The following LYRM4 variants were observed in gnomAD, a reference collection of about 807,000 sequenced individuals.
The protein encoded by LYRM4 is LYR motif containing 4.
Under a neutral mutation model 11.7 loss-of-function variants are expected in LYRM4, and 9 were observed. The observed-to-expected ratio is 0.77, with a 90% CI of 0.46 to 1.34. The LOEUF (loss-of-function observed/expected upper bound fraction) is 1.34. LYRM4 is among the 40% of genes most tolerant of loss of function. LYRM4 has a pLI of 0.00. For missense variants in LYRM4, 133 were observed against 112.5 expected (o/e 1.18, Z -0.82); for synonymous variants, 42 against 40.4 (o/e 1.04, Z -0.15).
the LYRM4 span, among the ~76,000 whole-genome samples, chr6:5,061,999 C>A: frequency 1.3e-5 from 2 of 151,586 alleles, no homozygotes; most frequent in Non-Finnish European, 2.9e-5. Context: ...AATACTGATA[C>A]TTTGCCATTT....
chr6:5,122,794 C>A (rs1293651282), intron 2 of LYRM4, among the ~76,000 whole-genome samples: 3 of 152,228 alleles, frequency 2.0e-5, no homozygotes, highest in African/African-American at 7.2e-5. Flanking sequence ...AGGCAGACAT[C>A]CCCGTCTGCA....
At chr6:5,217,793 A>G (rs897087767) in intron 1 of LYRM4, among the ~76,000 whole-genome samples, 3 of 152,254 alleles carry the variant, frequency 2.0e-5, no homozygotes, top group Admixed American at 6.5e-5. Context: ...GTCCTTAGAC[A>G]CAGCCTCATA....
intron 2 of LYRM4, among the ~76,000 whole-genome samples, chr6:5,168,928 C>T (rs761968694): frequency 3.3e-5 from 5 of 151,836 alleles, no homozygotes; most frequent in South Asian, 2.1e-4. Flanking sequence ...AGGGCCAGGG[C>T]GTGTGTGAAT....
intron 2 of LYRM4, 32 bp from the exon 3 acceptor site, chr6:5,109,523 C>T: frequency 1.3e-6 from 2 of 1,597,978 alleles, no homozygotes. Context: ...AGGTCAGGAA[C>T]CGTGGCCCTC....
chr6:5,086,584 C>T, the LYRM4 span: 5 of 1,476,306 alleles, frequency 3.4e-6, no homozygotes, highest in South Asian at 1.3e-5. Flanking sequence ...TTCGAAGAGC[C>T]GTGGGGCGGG....
At chr6:5,046,023 G>T in the LYRM4 span, among the ~76,000 whole-genome samples, 1 of 152,226 alleles carries the variant, frequency 6.6e-6, no homozygotes, top group Non-Finnish European at 1.5e-5. Flanking sequence ...TCTGCCCAGA[G>T]CTTGGGCACA....
chr6:5,069,370 T>C, the LYRM4 span, among the ~76,000 whole-genome samples: 8 of 148,966 alleles, frequency 5.4e-5, no homozygotes, highest in East Asian at 1.6e-3. Flanking sequence ...CATGTTAACA[T>C]AAAAAAAAAA....
At chr6:5,085,729 G>A in the LYRM4 span, 1 of 1,544,382 alleles carries the variant, frequency 6.5e-7, no homozygotes, top group African/African-American at 1.4e-5. Context: ...CCGCTGCCGC[G>A]CGCGCTCCTT....
chr6:5,245,928 C>T (rs972965287), intron 1 of LYRM4, among the ~76,000 whole-genome samples: 1 of 152,158 alleles, frequency 6.6e-6, no homozygotes, highest in Non-Finnish European at 1.5e-5. Flanking sequence ...GGTGACAGGA[C>T]ATAAGGCGAG....
the LYRM4 span, among the ~76,000 whole-genome samples, chr6:5,077,137 G>A: frequency 0.68 from 103,504 of 152,086 alleles, 36,572 homozygotes; most frequent in East Asian, 0.89. Context: ...CCCTGAGCCA[G>A]GGGCTGTGTG....
the LYRM4 span, among the ~76,000 whole-genome samples, chr6:5,093,194 A>G: frequency 6.6e-6 from 1 of 152,236 alleles, no homozygotes; most frequent in Non-Finnish European, 1.5e-5. Flanking sequence ...CTGTTTACCA[A>G]AGTAATTAAA....
At chr6:5,212,070 G>C (rs1762014519) in intron 2 of LYRM4, among the ~76,000 whole-genome samples, 1 of 152,208 alleles carries the variant, frequency 6.6e-6, no homozygotes. Context: ...AAATCTCTAT[G>C]AACTACACAG....
chr6:5,100,996 C>A (rs1379516667), downstream of LYRM4, among the ~76,000 whole-genome samples: 1 of 152,214 alleles, frequency 6.6e-6, no homozygotes, highest in African/African-American at 2.4e-5. Flanking sequence ...GTCTCCGTGC[C>A]TGCCACAGGG....
chr6:5,166,341 C>T (rs1581419551), intron 2 of LYRM4, among the ~76,000 whole-genome samples: 2 of 152,346 alleles, frequency 1.3e-5, no homozygotes, highest in Non-Finnish European at 2.9e-5. Flanking sequence ...ATGACATAAA[C>T]AGCGGAGAGC....
At chr6:5,107,777 C>T (rs984490453), downstream of LYRM4, 2 of 152,036 alleles carry the variant, frequency 1.3e-5, no homozygotes, top group Admixed American at 1.3e-4. Context: ...CCTGTAATAC[C>T]AGCACTTTGG....
At chr6:5,116,972 T>C (rs1383290740) in intron 2 of LYRM4, among the ~76,000 whole-genome samples, 1 of 152,240 alleles carries the variant, frequency 6.6e-6, no homozygotes, top group Admixed American at 6.5e-5. Flanking sequence ...CTGGGCGCAG[T>C]TGCCAGGGGA....
intron 2 of LYRM4, among the ~76,000 whole-genome samples, chr6:5,122,736 C>T (rs1421073232): frequency 1.3e-5 from 2 of 152,240 alleles, no homozygotes; most frequent in East Asian, 3.8e-4. Flanking sequence ...CGTGGGCCAA[C>T]ATCTGGCTCA....
chr6:5,117,428 G>A (rs560852979), intron 2 of LYRM4, among the ~76,000 whole-genome samples: 9 of 152,148 alleles, frequency 5.9e-5, no homozygotes, highest in South Asian at 2.1e-4. Flanking sequence ...GATGGTGTGC[G>A]CCTGTAATCG....
At chr6:5,111,203 C>T (rs541681861) in intron 2 of LYRM4, among the ~76,000 whole-genome samples, 1 of 150,856 alleles carries the variant, frequency 6.6e-6, no homozygotes, top group East Asian at 1.9e-4. Flanking sequence ...GGCTAGAATA[C>T]CAATGATCCT....
Sources: gnomAD v4.1 joint callset for allele counts (sites outside exome capture counted in the v4.1 genomes callset) on GRCh38, gnomAD v4.1.1 for gene constraint, MANE v1.5 for transcripts, NCBI Gene and HGNC (gene_info 2026-07-23, HGNC 2026-07-21) for gene names.